Variants in ZNF429 observed in about 807,000 individuals in gnomAD.
The protein encoded by ZNF429 is zinc finger protein 429.
In ZNF429, 53 loss-of-function variants were observed where a neutral mutation model predicts 56.8. The ratio of observed to expected loss-of-function variants is 0.93; its 90% CI spans 0.75 to 1.17. The LOEUF is 1.17. Among genes scored for constraint, ZNF429 ranks in the 50% most tolerant of loss-of-function variants. The probability of loss-of-function intolerance (pLI) is 0.00; values close to 1 mark genes in which losing one functional copy is unlikely to be tolerated. For synonymous variants in ZNF429, 278 were observed against 264.7 expected (o/e 1.05, Z -0.49); for missense variants, 849 against 788.4 (o/e 1.08, Z -0.92).
chr19:21,513,783 TAGAG>T (rs1339532146), intron 1 of ZNF429, among the ~76,000 whole-genome samples: 7 of 152,242 alleles, frequency 4.6e-5, no homozygotes, highest in African/African-American at 1.2e-4. Flanking sequence ...GATGAAAACT[TAGAG>T]GGAACGATCT....
Position 21,505,635 on chromosome 19 carries a change from T to A in ZNF429, c.-137T>A. The A allele has an allele frequency of 1.2e-6, 1 of 869,060 alleles. No individual in the cohort carries two copies. The highest frequency in any genetic ancestry group is 1.8e-5 in the South Asian group (1 of 56,064). The allele number at this position is 869,060 out of a possible 1,614,324, so 53.8% of individuals were successfully genotyped here. ...CGGAATATGGCGGGGCGTTTGGCTC[T>A]TGCTGCAGCCAGAGCTCCAGGTCTC... On this transcript the variant is annotated 5_prime_UTR_variant, in exon 1 of 4. In the 5' UTR this introduces an upstream ATG that the reference lacks. Coordinates refer to ENST00000358491, the MANE Select transcript of ZNF429 (RefSeq NM_001001415.4).
Position 21,536,820 on chromosome 19 carries a change from C to A in ZNF429, c.767C>A (p.Pro256His). The change falls in exon 4 of 4, where the codon CCC (proline) becomes CAC (histidine). Residue 256 changes from proline (P) to histidine (H), a missense_variant. Transcript: ENST00000358491. ...NHKRIHTGEK[P>H]YKCKECGKAF... ...AAGAGAATTCATACTGGAGAGAAAC[C>A]CTACAAATGTAAAGAATGTGGCAAA... 1.2e-6 allele frequency: 2 copies of A among 1,613,782 alleles called. No individual in the cohort carries two copies. Among genetic ancestry groups the A allele is most frequent in the Non-Finnish European group, 1.7e-6 (2 of 1,179,948 alleles).
At position 21,537,934 on chromosome 19, in the gene ZNF429, C is replaced by G. The variant is rs747191198; in HGVS notation, c.1881C>G (p.Ala627=). 1 of 1,613,852 alleles carries G rather than the reference C, an allele frequency of 6.2e-7. No individual in the cohort carries two copies. The highest frequency in any genetic ancestry group is 8.5e-7 in the Non-Finnish European group (1 of 1,179,942). The part of the protein sequence containing the change: ...REKPYKCEEC[A]KAFTRSSRLT... The stretch of plus-strand genomic sequence containing the variant: ...AACCTTACAAATGTGAAGAATGTGC[C>G]AAAGCTTTTACCCGGTCTTCAAGAC... The change falls in exon 4 of 4, where the codon GCC becomes GCG. Residue 627 remains alanine (A), a synonymous_variant. Transcript: ENST00000358491.
intron 1 of ZNF429, among the ~76,000 whole-genome samples, chr19:21,522,065 T>C (rs1439975280): frequency 6.6e-6 from 1 of 152,202 alleles, no homozygotes; most frequent in Admixed American, 6.5e-5. Context: ...AGGAGTGCTC[T>C]AGCCCAGTGC....
intron 1 of ZNF429, among the ~76,000 whole-genome samples, chr19:21,510,836 C>A (rs1013627802): frequency 6.6e-6 from 1 of 152,040 alleles, no homozygotes; most frequent in Non-Finnish European, 1.5e-5. Context: ...TCTTGCACCG[C>A]CCTTAATCCA....
intron 1 of ZNF429, among the ~76,000 whole-genome samples, chr19:21,518,236 T>A (rs1436938333): frequency 5.3e-5 from 4 of 75,740 alleles, no homozygotes; most frequent in Admixed American, 4.1e-4. Context: ...TTTTGGTTAT[T>A]TCTTGTCTTC....
chr19:21,531,107 A>AG, intron 3 of ZNF429, among the ~76,000 whole-genome samples: 1 of 73,566 alleles, frequency 1.4e-5, no homozygotes, highest in Non-Finnish European at 2.4e-5. Context: ...ACTCCATCTC[A>AG]AAAAAAAAAA....
chr19:21,513,152 T>C (rs559990096), intron 1 of ZNF429, among the ~76,000 whole-genome samples: 2 of 152,296 alleles, frequency 1.3e-5, no homozygotes, highest in East Asian at 3.9e-4. Flanking sequence ...TTTACAGGCA[T>C]GAGCCACTGC....
chr19:21,517,039 C>T (rs375325376), intron 1 of ZNF429, among the ~76,000 whole-genome samples: 12 of 152,296 alleles, frequency 7.9e-5, no homozygotes, highest in African/African-American at 2.9e-4. Context: ...AGAAGAAATG[C>T]TTCCAGCTTG....
At chr19:21,510,613 G>T (rs1200025015) in intron 1 of ZNF429, among the ~76,000 whole-genome samples, 2 of 151,260 alleles carry the variant, frequency 1.3e-5, no homozygotes, top group African/African-American at 4.9e-5. Context: ...GATCATTCTT[G>T]GGTGTTTCTC....
At chr19:21,506,655 C>CA (rs1321018092) in intron 1 of ZNF429, among the ~76,000 whole-genome samples, 10 of 148,340 alleles carry the variant, frequency 6.7e-5, no homozygotes, top group African/African-American at 2.2e-4. Flanking sequence ...CTTCAGCTTA[C>CA]AAAATTTCCT....
chr19:21,528,781 A>G (rs1568424192), intron 1 of ZNF429, among the ~76,000 whole-genome samples: 3 of 152,174 alleles, frequency 2.0e-5, no homozygotes, highest in Admixed American at 2.0e-4. Context: ...ATGTTTCTTT[A>G]TGGTTAAATT....
At chr19:21,518,275 C>T (rs2032844788) in intron 1 of ZNF429, among the ~76,000 whole-genome samples, 2 of 152,156 alleles carry the variant, frequency 1.3e-5, no homozygotes, top group African/African-American at 4.8e-5. Flanking sequence ...TTTGCTCTTG[C>T]TTCTCTTATA....
chr19:21,527,828 A>T (rs902490636), intron 1 of ZNF429, among the ~76,000 whole-genome samples: 3 of 152,148 alleles, frequency 2.0e-5, no homozygotes, highest in African/African-American at 7.2e-5. Context: ...ATGTCATCTG[A>T]GCAGGAATTT....
chr19:21,529,599 C>T, intron 1 of ZNF429, 59 bp from the exon 2 acceptor site: 4 of 1,371,584 alleles, frequency 2.9e-6, no homozygotes, highest in Non-Finnish European at 3.8e-6. Context: ...CCCATGGGCA[C>T]TTGGTCAATA....
At chr19:21,510,811 GT>G (rs1335854633) in intron 1 of ZNF429, among the ~76,000 whole-genome samples, 3 of 151,954 alleles carry the variant, frequency 2.0e-5, no homozygotes, top group Non-Finnish European at 4.4e-5. Flanking sequence ...TCAAGCATCT[GT>G]TTAACAAAGC....
rs773715090 is a variant in ZNF429, at chr19:21,537,574, A to G, written c.1521A>G (p.Lys507=). The change falls in exon 4 of 4, where the codon AAA becomes AAG. Residue 507 remains lysine, a synonymous_variant. Transcript: ENST00000358491. ...NSHKKIHSGE[K]PYKCEECGKA... is the part of the protein sequence containing the mutation. ...ATAAAAAAATTCATAGTGGAGAGAA[A>G]CCCTACAAATGTGAAGAATGTGGCA... The G allele has an allele frequency of 6.2e-7, 1 of 1,613,296 alleles. No homozygotes were observed. Among genetic ancestry groups the G allele is most frequent in the Non-Finnish European group, 8.5e-7 (1 of 1,179,906 alleles).
In ZNF429 at chr19:21,538,633, C is replaced by T. The variant is rs2033815902; in HGVS notation, c.*555C>T. 6.6e-6 allele frequency: 1 copy of T among 152,068 alleles called. No individual in the cohort carries two copies. The highest frequency in any genetic ancestry group is 6.6e-5 in the Admixed American group (1 of 15,256). 9.4% of individuals were successfully genotyped at this position (152,068 alleles called of 1,614,324 possible). ...ATAAATAAATAAAAGAAAGAAAATT[C>T]ATAGTAGAGAGAAACCTTACAAATG... is the stretch of plus-strand genomic sequence containing the variant. On this transcript the variant is annotated 3_prime_UTR_variant, in exon 4 of 4. Transcript: ENST00000358491.
chr19:21,506,622 T>C (rs1599423813), intron 1 of ZNF429, among the ~76,000 whole-genome samples: 1 of 151,978 alleles, frequency 6.6e-6, no homozygotes, highest in African/African-American at 2.4e-5. Context: ...TTAGGTAGGG[T>C]TACGTAGTTT....
Sources: gnomAD v4.1 joint callset for allele counts (sites outside exome capture counted in the v4.1 genomes callset) on GRCh38, gnomAD v4.1.1 for gene constraint, MANE v1.5 for transcripts, NCBI Gene and HGNC (gene_info 2026-07-23, HGNC 2026-07-21) for gene names.